Variants in NXN observed in about 807,000 individuals in gnomAD.
NXN encodes the protein nucleoredoxin 1.
Under a neutral mutation model 48.6 loss-of-function variants are expected in NXN, and 16 were observed. The observed-to-expected ratio is 0.33, with a 90% CI of 0.22 to 0.50. NXN has a LOEUF of 0.50. Ranked by LOEUF, NXN falls within the 20% of genes least tolerant of loss-of-function variation. The probability of loss-of-function intolerance (pLI) is 0.98; values close to 1 mark genes in which losing one functional copy is unlikely to be tolerated. For synonymous variants in NXN, 281 were observed against 269.6 expected (o/e 1.04, Z -0.41); for missense variants, 492 against 605.5 (o/e 0.81, Z 1.97).
chr17:811,514 G>GA (rs1555609076), intron 5 of NXN, among the ~76,000 whole-genome samples: 44 of 152,200 alleles, frequency 2.9e-4, no homozygotes, highest in African/African-American at 9.9e-4. Context: ...GGGGTTGGGG[G>GA]GGGGGCAGCA....
At position 949,936 on chromosome 17, in the gene NXN, G is replaced by C. The variant is rs568014741; in HGVS notation, c.360+29383C>G. Among the ~76,000 whole-genome samples, 5 of 152,110 alleles carry C rather than the reference G, an allele frequency of 3.3e-5. No homozygotes were observed. In the South Asian group the frequency reaches 1.0e-3, roughly 32 times the overall value. On this transcript the variant is annotated intron_variant, in intron 1 of 7. Transcript: ENST00000336868. ...TCATTTGGCCAGCAGCTTCTCGGGG[G>C]CTAACGGTCAATGCCAGAAGCAATT...
chr17:882,576 C>T (rs758575088), intron 1 of NXN, among the ~76,000 whole-genome samples: 30 of 148,568 alleles, frequency 2.0e-4, no homozygotes, highest in Non-Finnish European at 4.0e-4. Flanking sequence ...CGCCATTCTC[C>T]TGCCTCAGCC....
At position 959,205 on chromosome 17, in the gene NXN, G is replaced by A. The variant is rs573750495; in HGVS notation, c.360+20114C>T. Reference sequence around the variant, plus strand: ...CGCCACGTACCAGTTCAGCCAGTACGTGTGTCAGCAGACAGGCCTGCAGAT... The same window carrying A: ...CGCCACGTACCAGTTCAGCCAGTACATGTGTCAGCAGACAGGCCTGCAGAT... On this transcript the variant is annotated intron_variant, in intron 1 of 7. Transcript: ENST00000336868. 1.3e-4 allele frequency: 135 copies of A among 1,032,760 alleles called. 1 individual carries two copies. Among genetic ancestry groups the A allele is most frequent in the Admixed American group, 4.1e-4 (13 of 31,760 alleles). The allele number at this position is 1,032,760 out of a possible 1,614,324, so 64.0% of individuals were successfully genotyped here. A position where few individuals can be genotyped will look rare whatever the true frequency, so the allele number is the denominator to read the frequency against.
At chr17:937,144 G>A (rs754935701) in intron 1 of NXN, among the ~76,000 whole-genome samples, 5 of 152,018 alleles carry the variant, frequency 3.3e-5, no homozygotes, top group South Asian at 2.1e-4. Context: ...CACCACGCCC[G>A]GCTGATTTTT....
Position 830,637 on chromosome 17 carries a change from G to A in NXN, c.361-4559C>T, listed in dbSNP as rs1411480144. On this transcript the variant is annotated intron_variant, in intron 1 of 7. Transcript: ENST00000336868. This position sits in a 1 kb window ranked among gnomAD's most constrained non-coding sequence, Gnocchi z 4.2. ...CATCATAAGATTTGTGAACCACATC[G>A]TCAAGGCCCCGTGGACGACAGCAAA... Among the ~76,000 whole-genome samples the A allele has an allele frequency of 1.3e-5, 2 of 152,182 alleles. No individual in the cohort carries two copies. Among genetic ancestry groups the A allele is most frequent in the East Asian group, 1.9e-4 (1 of 5,198 alleles).
intron 1 of NXN, among the ~76,000 whole-genome samples, chr17:948,776 G>C (rs569402625): frequency 6.6e-6 from 1 of 151,250 alleles, no homozygotes; most frequent in Non-Finnish European, 1.5e-5. Context: ...TCCACATCCC[G>C]GGACACGAGG....
At chr17:979,018 G>A (rs1474033773) in intron 1 of NXN, among the ~76,000 whole-genome samples, 1 of 149,258 alleles carries the variant, frequency 6.7e-6, no homozygotes, top group Non-Finnish European at 1.5e-5. Flanking sequence ...GATCCCGGGG[G>A]CCGAGGGGGG....
intron 1 of NXN, among the ~76,000 whole-genome samples, chr17:844,517 T>C (rs2067838492): frequency 6.6e-6 from 1 of 152,244 alleles, no homozygotes; most frequent in Admixed American, 6.6e-5. Context: ...TGAAGGCCAA[T>C]GAAAGGACTT....
intron 1 of NXN, among the ~76,000 whole-genome samples, chr17:833,132 C>T (rs759111948): frequency 6.6e-6 from 1 of 152,088 alleles, no homozygotes; most frequent in Non-Finnish European, 1.5e-5. Flanking sequence ...ACCTCGTGAT[C>T]CGCCCACCTC....
chr17:855,768 G>A (rs1239622521), intron 1 of NXN, among the ~76,000 whole-genome samples: 1 of 152,188 alleles, frequency 6.6e-6, no homozygotes, highest in East Asian at 1.9e-4. Flanking sequence ...TGTGTACCTT[G>A]GCAGGAGGAA....
chr17:879,501 G>A (rs2068260403), intron 1 of NXN, among the ~76,000 whole-genome samples: 1 of 151,906 alleles, frequency 6.6e-6, no homozygotes, highest in Non-Finnish European at 1.5e-5. Context: ...TGGCCAGGCT[G>A]GTCTTGAACT....
chr17:819,015 C>T (rs757238666), intron 5 of NXN: 7 of 294,590 alleles, frequency 2.4e-5, no homozygotes, highest in Non-Finnish European at 2.6e-5. Flanking sequence ...AGCACAATCT[C>T]GGCTCACTGC....
At chr17:863,306 T>G (rs1035277130) in intron 1 of NXN, among the ~76,000 whole-genome samples, 2 of 151,634 alleles carry the variant, frequency 1.3e-5, no homozygotes, top group African/African-American at 4.8e-5. Flanking sequence ...TAGCTGGAAC[T>G]ACAGGTGCCC....
chr17:871,727 T>C (rs1439456846), intron 1 of NXN, among the ~76,000 whole-genome samples: 2 of 152,248 alleles, frequency 1.3e-5, no homozygotes, highest in South Asian at 4.1e-4. Context: ...TAAGTTTCCC[T>C]GAATGGAAAA....
chr17:811,734 G>A (rs1286177569), intron 5 of NXN, among the ~76,000 whole-genome samples: 1 of 152,052 alleles, frequency 6.6e-6, no homozygotes, highest in Non-Finnish European at 1.5e-5. Context: ...CCACGGCAGA[G>A]GCCGCCACCC....
chr17:867,444 G>C (rs1262557772), intron 1 of NXN, among the ~76,000 whole-genome samples: 2 of 152,264 alleles, frequency 1.3e-5, no homozygotes, highest in Non-Finnish European at 2.9e-5. Context: ...ATTATGCTCA[G>C]AGTAGGGCTT....
intron 1 of NXN, among the ~76,000 whole-genome samples, chr17:842,981 AG>A (rs1210526409): frequency 9.1e-4 from 102 of 112,402 alleles, no homozygotes; most frequent in Middle Eastern, 4.5e-3. Context: ...AGAGAGAAAG[AG>A]AGAAAGAGAG....
chr17:961,866 G>A (rs1286383479), intron 1 of NXN, among the ~76,000 whole-genome samples: 3 of 152,212 alleles, frequency 2.0e-5, no homozygotes, highest in Non-Finnish European at 4.4e-5. Flanking sequence ...TGGGTGCAGT[G>A]GCTCACACCT....
At chr17:812,874 G>A (rs1051473637) in intron 5 of NXN, among the ~76,000 whole-genome samples, 1 of 149,214 alleles carries the variant, frequency 6.7e-6, no homozygotes, top group South Asian at 2.1e-4. Flanking sequence ...GTGTGTGGGT[G>A]TGTGCGCACA....
Sources: gnomAD v4.1 joint callset for allele counts (sites outside exome capture counted in the v4.1 genomes callset) on GRCh38, gnomAD v4.1.1 for gene constraint, Gnocchi (gnomAD v3.1) non-coding constraint, MANE v1.5 for transcripts, NCBI Gene and HGNC (gene_info 2026-07-23, HGNC 2026-07-21) for gene names.